AKAP10: variants seen among roughly 807,000 people sequenced by gnomAD.
AKAP10 encodes A-kinase anchor protein 10, mitochondrial.
AKAP10 carries 24 observed loss-of-function variants against 80.8 expected under a neutral mutation model. The ratio of observed to expected loss-of-function variants is 0.30; its 90% CI spans 0.22 to 0.42. AKAP10 has a LOEUF of 0.42. AKAP10 is among the 10% of genes least tolerant of loss of function. AKAP10 has a pLI of 1.00. For synonymous variants in AKAP10, 291 were observed against 277.7 expected (o/e 1.05, Z -0.48); for missense variants, 661 against 794.9 (o/e 0.83, Z 2.03).
At chr17:19,953,502 C>G (rs1318665124) in intron 4 of AKAP10, among the ~76,000 whole-genome samples, 1 of 152,044 alleles carries the variant, frequency 6.6e-6, no homozygotes, top group Admixed American at 6.6e-5. Context: ...CCTATACAAT[C>G]TGACAAAGAA....
chr17:19,961,171 G>A (rs929621079), intron 3 of AKAP10, among the ~76,000 whole-genome samples: 10 of 138,080 alleles, frequency 7.2e-5, no homozygotes, highest in South Asian at 2.3e-4. Context: ...GCGAAACCCC[G>A]TCTCTACAAA....
intron 1 of AKAP10, among the ~76,000 whole-genome samples, chr17:19,971,632 T>C (rs1261021486): frequency 6.6e-6 from 1 of 152,250 alleles, no homozygotes; most frequent in Non-Finnish European, 1.5e-5. Flanking sequence ...AGTTTATTCA[T>C]TTTAGCTACT....
chr17:19,941,994 G>T, intron 5 of AKAP10, 84 bp from the exon 6 acceptor site: 1 of 1,079,900 alleles, frequency 9.3e-7, no homozygotes, highest in Non-Finnish European at 1.3e-6. Context: ...GGAGTTAACA[G>T]CACAGGCATA....
intron 1 of AKAP10, among the ~76,000 whole-genome samples, chr17:19,972,085 G>A (rs1308010722): frequency 3.9e-5 from 6 of 152,198 alleles, no homozygotes; most frequent in South Asian, 2.1e-4. Flanking sequence ...TAGCCTGGGC[G>A]ACATAGACTG....
chr17:19,916,281 ATTTG>A (rs2042741442), intron 12 of AKAP10, among the ~76,000 whole-genome samples: 1 of 152,098 alleles, frequency 6.6e-6, no homozygotes. Context: ...CACAGGCTAC[ATTTG>A]TTTGTCTGTT....
intron 3 of AKAP10, among the ~76,000 whole-genome samples, chr17:19,960,970 G>A (rs1448244784): frequency 6.6e-6 from 1 of 151,840 alleles, no homozygotes; most frequent in Non-Finnish European, 1.5e-5. Flanking sequence ...AGGTTGCAGT[G>A]AGCCAAAAAT....
chr17:19,945,394 T>C (rs1264091449), intron 5 of AKAP10, among the ~76,000 whole-genome samples: 1 of 152,106 alleles, frequency 6.6e-6, no homozygotes, highest in Non-Finnish European at 1.5e-5. Flanking sequence ...AGTCAGAACA[T>C]CCCTGTTGTA....
chr17:19,948,846 A>G (rs768993127), intron 4 of AKAP10, among the ~76,000 whole-genome samples: 3 of 152,328 alleles, frequency 2.0e-5, no homozygotes, highest in Non-Finnish European at 4.4e-5. Flanking sequence ...AGAAAGGCAC[A>G]TAAGCAGATA....
chr17:19,912,185 C>T (rs745925392), intron 12 of AKAP10, among the ~76,000 whole-genome samples: 11 of 152,134 alleles, frequency 7.2e-5, no homozygotes, highest in African/African-American at 2.2e-4. Flanking sequence ...GAGGCTGGGG[C>T]GGGCAAATCA....
chr17:19,911,765 G>A (rs2042691986), intron 12 of AKAP10, among the ~76,000 whole-genome samples: 1 of 144,010 alleles, frequency 6.9e-6, no homozygotes, highest in Non-Finnish European at 1.5e-5. Flanking sequence ...AACCTGGGAG[G>A]TGGAGGTTGT....
At chr17:19,915,977 AC>A (rs2042738330) in intron 12 of AKAP10, among the ~76,000 whole-genome samples, 1 of 151,984 alleles carries the variant, frequency 6.6e-6, no homozygotes, top group South Asian at 2.1e-4. Flanking sequence ...GTCTCTGGTG[AC>A]CTCCCAACTC....
At chr17:19,957,527 T>C (rs1324601726) in intron 4 of AKAP10, among the ~76,000 whole-genome samples, 1 of 126,606 alleles carries the variant, frequency 7.9e-6, no homozygotes, top group Non-Finnish European at 1.7e-5. Flanking sequence ...AGAGCAAGAC[T>C]CCATCTCAAA....
Position 19,931,937 on chromosome 17 carries a change from T to C in AKAP10, c.1509A>G (p.Lys503=). The C allele has an allele frequency of 6.2e-7, 1 of 1,613,928 alleles. No individual in the cohort carries two copies. Among genetic ancestry groups the C allele is most frequent in the Non-Finnish European group, 8.5e-7 (1 of 1,179,950 alleles). The change falls in exon 10 of 15, where the codon AAA becomes AAG. Residue 503 remains lysine, a synonymous_variant. Coordinates refer to ENST00000225737, the MANE Select transcript of AKAP10 (RefSeq NM_007202.4). ...PGFLSSNLYY[K]YLNDLIHSVR... ...CCGAATGGATGAGATCATTCAAATA[T>C]TTATAATAAAGATTGCTGGACAAAA...
intron 4 of AKAP10, among the ~76,000 whole-genome samples, chr17:19,951,258 G>A (rs1485528948): frequency 5.8e-5 from 8 of 138,830 alleles, no homozygotes; most frequent in African/African-American, 1.3e-4. Flanking sequence ...CCGGCCAGCC[G>A]CCCCATCCGG....
At chr17:19,930,137 C>T (rs74737104) in intron 10 of AKAP10, among the ~76,000 whole-genome samples, 2 of 151,742 alleles carry the variant, frequency 1.3e-5, no homozygotes, top group African/African-American at 2.4e-5. Flanking sequence ...AATGGCAATA[C>T]GATAATACTC....
chr17:19,975,467 G>A (rs558647648), intron 1 of AKAP10, among the ~76,000 whole-genome samples: 7 of 152,182 alleles, frequency 4.6e-5, no homozygotes, highest in East Asian at 3.9e-4. Flanking sequence ...TTGAACATGC[G>A]ATTCCCTGGC....
At position 19,958,213 on chromosome 17, in the gene AKAP10, A is replaced by G. The variant is rs1366168209; in HGVS notation, c.678T>C (p.Asn226=). The part of the protein sequence containing the change: ...FMTHSEGIDL[N]NRTNSTQNHL... ...GATTCTGAGTGCTGTTAGTTCTATT[A>G]TTCAGGTCAATTCCTTCTGAATGAG... The change falls in exon 4 of 15, where the codon AAT becomes AAC. Residue 226 remains asparagine (N), a synonymous_variant. Transcript: ENST00000225737. 2 of 1,614,070 alleles carry G rather than the reference A, an allele frequency of 1.2e-6. No homozygotes were observed. The highest frequency in any genetic ancestry group is 1.7e-6 in the Non-Finnish European group (2 of 1,180,052).
rs2042614637 is a variant in AKAP10 at position 19,904,688 on chromosome 17, G to A, written c.*1539C>T. ...TGTTCTGGGTTTTTAGAAAGCAAAT[G>A]AAAATATTTGGAAAGATCAATATAT... On this transcript the variant is annotated 3_prime_UTR_variant, in exon 15 of 15. Transcript: ENST00000225737. The A allele has an allele frequency of 6.6e-6, 1 of 151,970 alleles. No individual in the cohort carries two copies. The highest frequency in any genetic ancestry group is 2.1e-4 in the South Asian group (1 of 4,830). The allele number at this position is 151,970 out of a possible 1,614,324, so 9.4% of individuals were successfully genotyped here. A position where few individuals can be genotyped will look rare whatever the true frequency, so the allele number is the denominator to read the frequency against.
chr17:19,931,713 T>A, intron 10 of AKAP10, 92 bp downstream of exon 10: 1 of 1,423,362 alleles, frequency 7.0e-7, no homozygotes, highest in East Asian at 2.4e-5. Flanking sequence ...TTCCACAACT[T>A]AAAATTTACA....
Sources: gnomAD v4.1 joint callset for allele counts (sites outside exome capture counted in the v4.1 genomes callset) on GRCh38, gnomAD v4.1.1 for gene constraint, MANE v1.5 for transcripts, NCBI Gene and HGNC (gene_info 2026-07-23, HGNC 2026-07-21) for gene names.